RTN4R: variants seen among roughly 807,000 people sequenced by gnomAD.
The protein encoded by RTN4R is reticulon 4 receptor.
RTN4R carries 4 observed loss-of-function variants against 27.7 expected under a neutral mutation model. That is an observed-to-expected ratio of 0.14 (90% CI 0.07 to 0.33). The LOEUF (loss-of-function observed/expected upper bound fraction) is 0.33. Ranked by LOEUF, RTN4R falls within the 10% of genes least tolerant of loss-of-function variation. The pLI is 1.00. For missense variants in RTN4R, 554 were observed against 671.5 expected (o/e 0.83, Z 1.93); for synonymous variants, 290 against 305.6 (o/e 0.95, Z 0.53).
At position 20,241,648 on chromosome 22, in the gene RTN4R, T is replaced by A. The variant is rs2051106246; in HGVS notation, c.*63A>T. 3 of 1,535,158 alleles carry A rather than the reference T, an allele frequency of 2.0e-6. No individual in the cohort carries two copies. The Admixed American group carries it at 5.9e-5, about 30-fold the overall frequency. On this transcript the variant is annotated 3_prime_UTR_variant, in exon 2 of 2. Coordinates refer to ENST00000043402, the MANE Select transcript of RTN4R (RefSeq NM_023004.6). ...CGGCCGCCCGGCTGGCTTGGCGGCGTGGAGAGAGACCCCGTATGTACACAC... is the reference window on the plus strand; with the variant it reads ...CGGCCGCCCGGCTGGCTTGGCGGCGAGGAGAGAGACCCCGTATGTACACAC...
Position 20,259,821 on chromosome 22 carries a change from A to G in RTN4R, c.22+8250T>C, listed in dbSNP as rs564542429. Among the ~76,000 whole-genome samples the G allele has an allele frequency of 3.0e-4, 45 of 152,262 alleles. 1 individual carries two copies. The South Asian group carries it at 8.7e-3, about 29-fold the overall frequency. Reference sequence around the variant, plus strand: ...TCCTAGGGACCTTGTGGGCTTCAGCATGTTTCCCTGGAATCTGGGGGACTT... The same window carrying G: ...TCCTAGGGACCTTGTGGGCTTCAGCGTGTTTCCCTGGAATCTGGGGGACTT... On this transcript the variant is annotated intron_variant, in intron 1 of 1. Transcript: ENST00000043402.
chr22:20,256,672 G>A (rs2051213740), intron 1 of RTN4R, among the ~76,000 whole-genome samples: 1 of 152,150 alleles, frequency 6.6e-6, no homozygotes, highest in Non-Finnish European at 1.5e-5. Flanking sequence ...CTCCCTCCCA[G>A]GCCAGGCCTG....
chr22:20,245,952 C>A (rs904389807), intron 1 of RTN4R, among the ~76,000 whole-genome samples: 1 of 152,248 alleles, frequency 6.6e-6, no homozygotes, highest in Non-Finnish European at 1.5e-5. Context: ...GGCCCTGCGG[C>A]CACCTGAGCC....
chr22:20,253,369 C>G (rs2051195207), intron 1 of RTN4R, among the ~76,000 whole-genome samples: 1 of 152,194 alleles, frequency 6.6e-6, no homozygotes, highest in African/African-American at 2.4e-5. Flanking sequence ...CCCCTGCTCA[C>G]CCACCATGTG....
In RTN4R at chr22:20,242,071, C is replaced by T. The variant is rs142109661; in HGVS notation, c.1062G>A (p.Ser354=). ...CGCGTCCCTTCAGCGCATTGCCTGC[C>T]GAAGCTGGTCTTCCAGGCTCCAGTA... ...ASVLEPGRPA[S]AGNALKGRVP... The change falls in exon 2 of 2, where the codon TCG becomes TCA. Residue 354 remains serine (S), a synonymous_variant. Transcript: ENST00000043402. The T allele has an allele frequency of 7.4e-5, 120 of 1,612,534 alleles. No homozygotes were observed. The highest frequency in any genetic ancestry group is 6.2e-4 in the East Asian group (28 of 44,880).
At chr22:20,243,438 GC>G in intron 1 of RTN4R, 1 of 604,690 alleles carries the variant, frequency 1.7e-6, no homozygotes, top group South Asian at 1.5e-5. Flanking sequence ...ACTGGTGACT[GC>G]AGGTACCTCC....
At chr22:20,267,980 C>T in intron 1 of RTN4R, 91 bp downstream of exon 1, 1 of 738,242 alleles carries the variant, frequency 1.4e-6, no homozygotes, top group Non-Finnish European at 1.8e-6. Flanking sequence ...CTCGGCAGCC[C>T]GGGACGGGCC....
chr22:20,250,804 G>T (rs918930921), intron 1 of RTN4R, among the ~76,000 whole-genome samples: 1 of 152,034 alleles, frequency 6.6e-6, no homozygotes, highest in Non-Finnish European at 1.5e-5. Flanking sequence ...GGGAGGGGTG[G>T]CTCACACCTC....
chr22:20,257,356 G>A (rs1013309462), intron 1 of RTN4R, among the ~76,000 whole-genome samples: 2 of 152,222 alleles, frequency 1.3e-5, no homozygotes. Context: ...ATTTGGAGGC[G>A]GGGCCTTTGG....
chr22:20,243,628 G>C (rs1296840953), intron 1 of RTN4R: 1 of 422,480 alleles, frequency 2.4e-6, no homozygotes. Flanking sequence ...GTGTGTCCAG[G>C]GCTTAGGAGG....
intron 1 of RTN4R, among the ~76,000 whole-genome samples, chr22:20,246,108 G>A (rs542805927): frequency 4.6e-5 from 7 of 152,340 alleles, no homozygotes; most frequent in African/African-American, 9.6e-5. Context: ...TGGCCCTGCT[G>A]GCTGTCAGGG....
intron 1 of RTN4R, chr22:20,267,585 C>T: frequency 2.1e-6 from 1 of 468,924 alleles, no homozygotes; most frequent in East Asian, 7.2e-5. Context: ...GCCAACGCCC[C>T]CATTCATCCC....
intron 1 of RTN4R, among the ~76,000 whole-genome samples, chr22:20,249,832 T>C (rs1016060219): frequency 1.3e-5 from 2 of 152,220 alleles, no homozygotes; most frequent in African/African-American, 4.8e-5. Context: ...CAGAATTTAT[T>C]CTGCTGTGAA....
At position 20,242,145 on chromosome 22, in the gene RTN4R, G is replaced by T; in HGVS notation, c.988C>A (p.Leu330Met). 1.2e-6 allele frequency: 2 copies of T among 1,612,304 alleles called. No homozygotes were observed. Among genetic ancestry groups the T allele is most frequent in the Non-Finnish European group, 1.7e-6 (2 of 1,179,694 alleles). ...WTGRATDEEPLGLPKCCQPDA... is the reference protein window; with the variant it reads ...WTGRATDEEPMGLPKCCQPDA... ...GGCTGGCAGCACTTGGGAAGCCCCAGCGGCTCCTCATCGGTGGCCCTGCCG... is the reference window on the plus strand; with the variant it reads ...GGCTGGCAGCACTTGGGAAGCCCCATCGGCTCCTCATCGGTGGCCCTGCCG... The change falls in exon 2 of 2, where the codon CTG (leucine) becomes ATG (methionine). Residue 330 changes from leucine to methionine, a missense_variant. By Grantham distance (15) the Leu-to-Met change is conservative. Coordinates refer to ENST00000043402, the MANE Select transcript of RTN4R (RefSeq NM_023004.6).
chr22:20,263,716 C>G (rs542072269), intron 1 of RTN4R, among the ~76,000 whole-genome samples: 19 of 152,394 alleles, frequency 1.2e-4, no homozygotes, highest in African/African-American at 4.6e-4. Flanking sequence ...CCTGTGCCCA[C>G]TCAGCCCCTC....
intron 1 of RTN4R, among the ~76,000 whole-genome samples, chr22:20,251,497 C>T (rs982332384): frequency 6.7e-6 from 1 of 149,062 alleles, no homozygotes; most frequent in Non-Finnish European, 1.5e-5. Context: ...TGTAAACATA[C>T]TCATCATCAC....
Position 20,242,442 on chromosome 22 carries a change from G to A in RTN4R, c.691C>T (p.Leu231Phe). ...AFRDLGRLMTLYLFANNLSAL... is the reference protein window; with the variant it reads ...AFRDLGRLMTFYLFANNLSAL... ...GATAGATTGTTGGCAAACAGATAGA[G>A]TGTCATGAGGCGGCCAAGGTCACGG... The change falls in exon 2 of 2, where the codon CTC becomes TTC. Residue 231 changes from leucine to phenylalanine, a missense_variant. Physicochemically the swap from Leu to Phe is conservative, Grantham distance 22 (BLOSUM62 0). Around this residue, in one of 2 missense-constraint regions of RTN4R, gnomAD observed 413 missense variants for 542.3 expected, o/e 0.76. Transcript: ENST00000043402. 1.2e-6 allele frequency: 2 copies of A among 1,613,580 alleles called. No individual in the cohort carries two copies. Among genetic ancestry groups the A allele is most frequent in the Non-Finnish European group, 1.7e-6 (2 of 1,179,982 alleles).
rs1395105327 is a variant in RTN4R, at chr22:20,242,247, G to A, written c.886C>T (p.Arg296Cys). The A allele has an allele frequency of 1.9e-6, 3 of 1,599,772 alleles. No individual in the cohort carries two copies. Among genetic ancestry groups the A allele is most frequent in the Non-Finnish European group, 2.6e-6 (3 of 1,174,166 alleles). The change falls in exon 2 of 2, where the codon CGT becomes TGT. Residue 296 changes from arginine to cysteine, a missense_variant. Around this residue, in one of 2 missense-constraint regions of RTN4R, gnomAD observed 413 missense variants for 542.3 expected, o/e 0.76. Coordinates refer to ENST00000043402, the MANE Select transcript of RTN4R (RefSeq NM_023004.6). ...TTGGCAGCTAGGCGTTTGAGGTCAC[G>A]GCCAGCCAGGCGTTGCGGGAGGCTG... ...PCSLPQRLAG[R>C]DLKRLAANDL...
intron 1 of RTN4R, among the ~76,000 whole-genome samples, chr22:20,261,880 A>G (rs1261324940): frequency 2.6e-5 from 4 of 152,354 alleles, no homozygotes; most frequent in Non-Finnish European, 4.4e-5. Flanking sequence ...AGGTTCCTAC[A>G]TGAGACCCTC....
Sources: gnomAD v4.1 joint callset for allele counts (sites outside exome capture counted in the v4.1 genomes callset) on GRCh38, gnomAD v4.1.1 for gene constraint, gnomAD v4.1.1 regional missense constraint, MANE v1.5 for transcripts, NCBI Gene and HGNC (gene_info 2026-07-23, HGNC 2026-07-21) for gene names.